Variants in SERPING1 observed in about 807,000 individuals in gnomAD.
SERPING1 encodes the protein plasma protease C1 inhibitor.
In SERPING1, 5 loss-of-function variants were observed where a neutral mutation model predicts 34.1. The ratio of observed to expected loss-of-function variants is 0.15; its 90% CI spans 0.08 to 0.31. The LOEUF (loss-of-function observed/expected upper bound fraction) is 0.31, where lower values mean the gene tolerates loss of function less well. SERPING1 is among the 10% of genes least tolerant of loss of function. The pLI is 1.00. For missense variants in SERPING1, 505 were observed against 609.5 expected (o/e 0.83, Z 1.81); for synonymous variants, 225 against 242.4 (o/e 0.93, Z 0.67).
rs11820040 is a variant in SERPING1 at position 57,602,484 on chromosome 11, T to C, written c.685+315T>C. On this transcript the variant is annotated intron_variant, in intron 4 of 7. Coordinates refer to ENST00000278407, the MANE Select transcript of SERPING1 (RefSeq NM_000062.3). The stretch of plus-strand genomic sequence containing the variant: ...AAGAAGCAGAAAGCCAGGCTGGGCG[T>C]GGTGGCTCACACCTGTAATCCCAGC... Among the ~76,000 whole-genome samples the C allele has an allele frequency of 0.21, 32,182 of 152,070 alleles. 3,812 individuals are homozygous for C. Among genetic ancestry groups the C allele is most frequent in the Non-Finnish European group, 0.27 (18,425 of 67,956 alleles).
At chr11:57,607,501 A>G (rs189876724) in intron 6 of SERPING1, among the ~76,000 whole-genome samples, 3 of 152,276 alleles carry the variant, frequency 2.0e-5, no homozygotes, top group Admixed American at 6.5e-5. Flanking sequence ...CTGTCTCTCT[A>G]CTTGAATACA....
chr11:57,597,980 C>T, intron 1 of SERPING1: 2 of 501,816 alleles, frequency 4.0e-6, no homozygotes, highest in Non-Finnish European at 7.3e-6. Flanking sequence ...CCCCCTCCCC[C>T]TCCCACCACC....
chr11:57,609,358 C>T (rs1945453136), intron 6 of SERPING1, among the ~76,000 whole-genome samples: 1 of 152,184 alleles, frequency 6.6e-6, no homozygotes, highest in Non-Finnish European at 1.5e-5. Flanking sequence ...GCAGGTGAAT[C>T]ACCTGAGGTC....
intron 6 of SERPING1, among the ~76,000 whole-genome samples, chr11:57,610,009 A>G (rs996068119): frequency 6.6e-6 from 1 of 152,222 alleles, no homozygotes; most frequent in Non-Finnish European, 1.5e-5. Context: ...CTAACACCTA[A>G]AGCTCACTTG....
intron 7 of SERPING1, among the ~76,000 whole-genome samples, chr11:57,612,998 C>T (rs28362954): frequency 6.6e-5 from 10 of 152,202 alleles, no homozygotes; most frequent in African/African-American, 2.2e-4. Context: ...CCACCCACCT[C>T]GGCTTCCCAA....
At chr11:57,605,896 GTA>G in intron 4 of SERPING1, 112 bp from the exon 5 acceptor site, 2 of 1,013,676 alleles carry the variant, frequency 2.0e-6, no homozygotes, top group Non-Finnish European at 3.1e-6. Context: ...CCACCATGCC[GTA>G]TTCACTAAGT....
intron 4 of SERPING1, among the ~76,000 whole-genome samples, chr11:57,604,933 C>T (rs556573988): frequency 1.3e-5 from 2 of 151,366 alleles, no homozygotes; most frequent in African/African-American, 2.4e-5. Context: ...CCAAGGAATT[C>T]GAAGTTAGAG....
chr11:57,599,499 C>T (rs1421469179), intron 2 of SERPING1, among the ~76,000 whole-genome samples: 1 of 152,148 alleles, frequency 6.6e-6, no homozygotes, highest in African/African-American at 2.4e-5. Context: ...AATGTCTGTA[C>T]TAGCCAAGCA....
intron 2 of SERPING1, among the ~76,000 whole-genome samples, chr11:57,599,564 C>T (rs1183291563): frequency 2.0e-5 from 3 of 152,198 alleles, no homozygotes; most frequent in Non-Finnish European, 4.4e-5. Context: ...AGATAAATGA[C>T]AACACTCAGC....
At chr11:57,602,600 C>A (rs1945361786) in intron 4 of SERPING1, among the ~76,000 whole-genome samples, 1 of 151,312 alleles carries the variant, frequency 6.6e-6, no homozygotes, top group Non-Finnish European at 1.5e-5. Context: ...ACTAAAAATA[C>A]AAAAATTAGC....
intron 2 of SERPING1, 132 bp from the exon 3 acceptor site, chr11:57,599,747 G>A (rs990238964): frequency 1.2e-5 from 15 of 1,263,602 alleles, no homozygotes; most frequent in Non-Finnish European, 1.7e-5. Flanking sequence ...TTGCTCATCT[G>A]CCGCACTGTC....
chr11:57,602,796 A>C (rs1029998618), intron 4 of SERPING1, among the ~76,000 whole-genome samples: 1 of 143,564 alleles, frequency 7.0e-6, no homozygotes, highest in African/African-American at 2.6e-5. Context: ...AAAAAAAAAC[A>C]AAGAAGGAGA....
At chr11:57,605,434 G>A (rs1055773616) in intron 4 of SERPING1, among the ~76,000 whole-genome samples, 7 of 151,968 alleles carry the variant, frequency 4.6e-5, no homozygotes, top group Non-Finnish European at 1.0e-4. Context: ...GAATAGCTGG[G>A]ATTACAGGCT....
At chr11:57,598,585 T>C (rs1945313926) in intron 2 of SERPING1, among the ~76,000 whole-genome samples, 1 of 152,156 alleles carries the variant, frequency 6.6e-6, no homozygotes, top group South Asian at 2.1e-4. Flanking sequence ...CTCAGCCTAC[T>C]CCTCCTGATT....
chr11:57,601,028 C>G (rs575209844), intron 3 of SERPING1, among the ~76,000 whole-genome samples: 2 of 151,948 alleles, frequency 1.3e-5, no homozygotes, highest in African/African-American at 4.8e-5. Flanking sequence ...TGACCTTGGG[C>G]AGATCACTTT....
At chr11:57,613,970 A>G (rs368872269) in intron 7 of SERPING1, among the ~76,000 whole-genome samples, 14 of 152,088 alleles carry the variant, frequency 9.2e-5, no homozygotes, top group African/African-American at 2.9e-4. Flanking sequence ...ATATTTTCCC[A>G]TTATTTCACA....
intron 1 of SERPING1, 152 bp from the exon 2 acceptor site, chr11:57,598,097 G>C: frequency 1.7e-6 from 1 of 596,938 alleles, no homozygotes; most frequent in South Asian, 2.2e-5. Flanking sequence ...ACAGAGGGAG[G>C]AGCCAGGGAG....
rs576010799 is a variant in SERPING1, at chr11:57,605,643, G to A, written c.686-367G>A. On this transcript the variant is annotated intron_variant, in intron 4 of 7. Coordinates refer to ENST00000278407, the MANE Select transcript of SERPING1 (RefSeq NM_000062.3). ...TGCAGAGCAAAAGCCAGGAAGTTTTGTCACAAACTTCCACCAAGGCCAGGA... is the reference window on the plus strand; with the variant it reads ...TGCAGAGCAAAAGCCAGGAAGTTTTATCACAAACTTCCACCAAGGCCAGGA... The A allele has an allele frequency of 1.6e-5, 3 of 188,178 alleles. 1 individual carries two copies. In the South Asian group the frequency reaches 2.5e-4, roughly 16 times the overall value. 11.7% of individuals were successfully genotyped at this position (188,178 alleles called of 1,614,324 possible). A position where few individuals can be genotyped will look rare whatever the true frequency, so the allele number is the denominator to read the frequency against.
intron 3 of SERPING1, 146 bp downstream of exon 3, chr11:57,600,523 CTTTTCAT>C: frequency 1.2e-6 from 1 of 847,908 alleles, no homozygotes. Context: ...AGGGATGTAT[CTTTTCAT>C]TCTTGAACAT....
Sources: allele counts gnomAD v4.1 joint callset (sites outside exome capture counted in the v4.1 genomes callset), GRCh38; gene constraint gnomAD v4.1.1; transcripts MANE v1.5; gene names NCBI Gene and HGNC (gene_info 2026-07-23, HGNC 2026-07-21).